CACNA2D3: variants seen among roughly 807,000 people sequenced by gnomAD.
The protein encoded by CACNA2D3 is calcium voltage-gated channel auxiliary subunit alpha2delta 3, also known as voltage-dependent calcium channel subunit alpha-2/delta-3.
A neutral mutation model predicts 160.6 loss-of-function variants in CACNA2D3; 60 were observed. The ratio of observed to expected loss-of-function variants is 0.37; its 90% CI spans 0.30 to 0.46. The LOEUF is 0.46. CACNA2D3 is among the 20% of genes least tolerant of loss of function. CACNA2D3 has a pLI of 1.00. For missense variants in CACNA2D3, 1,205 were observed against 1,365.0 expected (o/e 0.88, Z 1.85); for synonymous variants, 558 against 492.9 (o/e 1.13, Z -1.75).
chr3:55,024,690 C>T (rs187654538), intron 35 of CACNA2D3, among the ~76,000 whole-genome samples: 1 of 152,066 alleles, frequency 6.6e-6, no homozygotes, highest in Non-Finnish European at 1.5e-5. Flanking sequence ...TATAAATTAC[C>T]CACTCTGAGA....
intron 4 of CACNA2D3, among the ~76,000 whole-genome samples, chr3:54,493,047 G>T (rs578168917): frequency 1.4e-5 from 2 of 145,088 alleles, no homozygotes; most frequent in East Asian, 4.0e-4. Context: ...TATGTGGGAG[G>T]TATTGCTCAA....
At chr3:54,374,617 C>T (rs1698978214) in intron 3 of CACNA2D3, among the ~76,000 whole-genome samples, 1 of 152,180 alleles carries the variant, frequency 6.6e-6, no homozygotes, top group Non-Finnish European at 1.5e-5. Context: ...TCCTCCTGAG[C>T]TCAGCTCCTT....
chr3:54,518,374 T>C (rs7431090), intron 5 of CACNA2D3, among the ~76,000 whole-genome samples: 1 of 151,658 alleles, frequency 6.6e-6, no homozygotes, highest in Admixed American at 6.6e-5. Flanking sequence ...GGTGAGGAAG[T>C]GGGAGAGAGA....
intron 17 of CACNA2D3, among the ~76,000 whole-genome samples, chr3:54,870,941 A>G (rs1699509893): frequency 6.6e-6 from 1 of 152,064 alleles, no homozygotes; most frequent in Non-Finnish European, 1.5e-5. Flanking sequence ...AAGGTAGAGG[A>G]GAGAGAATTA....
At chr3:54,800,629 G>A (rs1261109965) in intron 13 of CACNA2D3, among the ~76,000 whole-genome samples, 2 of 152,182 alleles carry the variant, frequency 1.3e-5, no homozygotes, top group Non-Finnish European at 2.9e-5. Context: ...TATGAGACTT[G>A]TTCTGGTCTG....
At chr3:54,707,672 C>G (rs1057340872) in intron 11 of CACNA2D3, among the ~76,000 whole-genome samples, 9 of 152,056 alleles carry the variant, frequency 5.9e-5, no homozygotes, top group African/African-American at 1.9e-4. Flanking sequence ...GATGATAAAG[C>G]CTTTGAGTAA....
intron 2 of CACNA2D3, among the ~76,000 whole-genome samples, chr3:54,269,558 G>T (rs1176942476): frequency 6.6e-6 from 1 of 152,168 alleles, no homozygotes; most frequent in Non-Finnish European, 1.5e-5. Context: ...CACATGATTG[G>T]TGTGCTGTGA....
At chr3:54,918,520 G>C (rs1207614021) in intron 27 of CACNA2D3, 1 of 1,613,828 alleles carries the variant, frequency 6.2e-7, no homozygotes. Flanking sequence ...ATTGGTTTGA[G>C]CCAAGGGTCC....
intron 16 of CACNA2D3, 150 bp downstream of exon 16, chr3:54,838,798 G>T: frequency 3.3e-6 from 2 of 606,642 alleles, no homozygotes; most frequent in South Asian, 2.2e-5. Context: ...CATCTGCACA[G>T]TTATTTAAAA....
chr3:54,775,506 A>G (rs1702410161), intron 13 of CACNA2D3, among the ~76,000 whole-genome samples: 1 of 152,150 alleles, frequency 6.6e-6, no homozygotes, highest in Admixed American at 6.5e-5. Context: ...CCTAGGTAGT[A>G]TTCTAAGTAA....
intron 9 of CACNA2D3, among the ~76,000 whole-genome samples, chr3:54,594,519 A>G (rs1332855431): frequency 6.6e-6 from 1 of 152,182 alleles, no homozygotes; most frequent in African/African-American, 2.4e-5. Context: ...TAGATTGGGT[A>G]ATATTCCTTT....
intron 11 of CACNA2D3, among the ~76,000 whole-genome samples, chr3:54,715,986 A>T (rs1362557117): frequency 6.6e-6 from 1 of 152,216 alleles, no homozygotes. Flanking sequence ...TACAGCAGGG[A>T]TGGCGATAGA....
At chr3:54,533,773 T>A (rs57828037) in intron 5 of CACNA2D3, among the ~76,000 whole-genome samples, 93,661 of 151,218 alleles carry the variant, frequency 0.62, 29,122 homozygotes, top group Non-Finnish European at 0.65. Flanking sequence ...GTTTGTCTTC[T>A]AGTGGTTTGA....
chr3:54,352,040 A>G (rs1016645353), intron 3 of CACNA2D3, among the ~76,000 whole-genome samples: 1 of 152,168 alleles, frequency 6.6e-6, no homozygotes, highest in Non-Finnish European at 1.5e-5. Flanking sequence ...CCTGTACTGC[A>G]TGGATACGTG....
intron 13 of CACNA2D3, among the ~76,000 whole-genome samples, chr3:54,809,646 C>T (rs887633986): frequency 2.6e-5 from 4 of 151,718 alleles, no homozygotes; most frequent in Non-Finnish European, 4.4e-5. Context: ...TTCTTTCTTT[C>T]ATTCTTTCTT....
intron 11 of CACNA2D3, among the ~76,000 whole-genome samples, chr3:54,674,292 C>CTCAT (rs955311137): frequency 3.7e-4 from 56 of 152,196 alleles, no homozygotes; most frequent in South Asian, 6.2e-4. Flanking sequence ...GAGCCTGAGC[C>CTCAT]TCATTCATTC....
At chr3:54,237,659 C>T (rs375891671) in intron 2 of CACNA2D3, among the ~76,000 whole-genome samples, 12 of 152,008 alleles carry the variant, frequency 7.9e-5, no homozygotes, top group East Asian at 5.8e-4. Flanking sequence ...TTTTTTCTGC[C>T]TCTCAGGAAT....
intron 27 of CACNA2D3, among the ~76,000 whole-genome samples, chr3:54,926,505 TAC>T (rs36205023): frequency 0.035 from 5,056 of 143,304 alleles, 90 homozygotes; most frequent in East Asian, 0.069. Context: ...GCCTGTCAAA[TAC>T]ACACACACAC....
At chr3:54,907,738 G>A (rs571365715) in intron 27 of CACNA2D3, among the ~76,000 whole-genome samples, 2 of 152,168 alleles carry the variant, frequency 1.3e-5, no homozygotes, top group East Asian at 1.9e-4. Flanking sequence ...GCTGAGGTTC[G>A]CAAACTACAG....
Sources: allele counts gnomAD v4.1 joint callset (sites outside exome capture counted in the v4.1 genomes callset), GRCh38; gene constraint gnomAD v4.1.1; transcripts MANE v1.5; gene names NCBI Gene and HGNC (gene_info 2026-07-23, HGNC 2026-07-21).